The following PLAA variants were observed in gnomAD, a reference collection of about 807,000 sequenced individuals.
The protein encoded by PLAA is phospholipase A-2-activating protein.
Under a neutral mutation model 84.1 loss-of-function variants are expected in PLAA, and 48 were observed. That is an observed-to-expected ratio of 0.57 (90% CI 0.45 to 0.73). The LOEUF (loss-of-function observed/expected upper bound fraction) is 0.73, where lower values mean the gene tolerates loss of function less well. Among genes scored for constraint, PLAA ranks in the 30% least tolerant of loss-of-function variants. PLAA has a pLI of 0.00. For synonymous variants in PLAA, 392 were observed against 336.6 expected (o/e 1.16, Z -1.80); for missense variants, 903 against 954.7 (o/e 0.95, Z 0.71).
chr9:26,911,921 A>T (rs1824412066), intron 11 of PLAA, among the ~76,000 whole-genome samples: 1 of 152,194 alleles, frequency 6.6e-6, no homozygotes, highest in Admixed American at 6.5e-5. Flanking sequence ...GTACAAAATT[A>T]ATTGTTTATA....
At chr9:26,907,809 A>T (rs1824282680) in intron 13 of PLAA, 25 bp downstream of exon 13, 1 of 1,570,798 alleles carries the variant, frequency 6.4e-7, no homozygotes, top group South Asian at 1.2e-5. Context: ...CTTTCTGGTT[A>T]CATTTTTGAA....
At chr9:26,936,380 G>A (rs1825360089) in intron 1 of PLAA, among the ~76,000 whole-genome samples, 1 of 152,198 alleles carries the variant, frequency 6.6e-6, no homozygotes, top group African/African-American at 2.4e-5. Context: ...AAGGGCTTAA[G>A]AACTAGAGAA....
chr9:26,926,317 C>G (rs1048640100), intron 5 of PLAA, 76 bp downstream of exon 5: 3 of 919,842 alleles, frequency 3.3e-6, no homozygotes, highest in Non-Finnish European at 5.2e-6. Context: ...AATCAGCTCT[C>G]CTCCCTCCAT....
Position 26,905,795 on chromosome 9 carries a change from G to A in PLAA, c.2104C>T (p.Leu702=), listed in dbSNP as rs953198648. ...SGSNKNIHIA[L]ATLALNYSVC... ...GAATAGTTCAGGGCCAATGTAGCCA[G>A]AGCAATGTGAATGTTCTTATTGCTC... The change falls in exon 14 of 14, where the codon CTG becomes TTG. Residue 702 remains leucine, a synonymous_variant. Coordinates refer to ENST00000397292, the MANE Select transcript of PLAA (RefSeq NM_001031689.3). The A allele has an allele frequency of 3.1e-6, 5 of 1,614,064 alleles. No individual in the cohort carries two copies. Among genetic ancestry groups the A allele is most frequent in the Non-Finnish European group, 4.2e-6 (5 of 1,180,024 alleles).
At chr9:26,907,652 T>C (rs1824278517) in intron 13 of PLAA, 182 bp downstream of exon 13, 4 of 540,506 alleles carry the variant, frequency 7.4e-6, no homozygotes, top group Non-Finnish European at 6.4e-6. Flanking sequence ...TCAAAAGGCA[T>C]GTAACGGAAA....
At chr9:26,945,941 A>C (rs1275952648) in intron 1 of PLAA, among the ~76,000 whole-genome samples, 1 of 152,210 alleles carries the variant, frequency 6.6e-6, no homozygotes, top group Non-Finnish European at 1.5e-5. Flanking sequence ...GCCAGTTTTT[A>C]ATTATTTATT....
Position 26,905,745 on chromosome 9 carries a change from G to A in PLAA, c.2154C>T (p.Asn718=). The part of the protein sequence containing the change: ...NYSVCFHKDH[N]IEGKAQCLSL... Reference sequence around the variant, plus strand: ...ACAAACATTGGGCTTTCCCTTCAATGTTATGGTCTTTATGAAAACAAACAG... The same window carrying A: ...ACAAACATTGGGCTTTCCCTTCAATATTATGGTCTTTATGAAAACAAACAG... Residue 718 remains asparagine (N), a synonymous_variant, in exon 14 of 14, where the codon AAC becomes AAT. Transcript: ENST00000397292. The A allele has an allele frequency of 6.2e-7, 1 of 1,614,146 alleles. No individual in the cohort carries two copies.
intron 6 of PLAA, among the ~76,000 whole-genome samples, chr9:26,924,715 T>C (rs935096919): frequency 2.6e-5 from 4 of 152,216 alleles, no homozygotes; most frequent in African/African-American, 4.8e-5. Flanking sequence ...TTGAATTCCT[T>C]TGTTCTGTTT....
chr9:26,940,152 T>C (rs938278717), intron 1 of PLAA, among the ~76,000 whole-genome samples: 14 of 152,230 alleles, frequency 9.2e-5, no homozygotes, highest in African/African-American at 3.1e-4. Flanking sequence ...ATTCCATTTC[T>C]GGATATATTC....
At chr9:26,943,790 T>C (rs1825610145) in intron 1 of PLAA, among the ~76,000 whole-genome samples, 2 of 151,748 alleles carry the variant, frequency 1.3e-5, no homozygotes, top group Non-Finnish European at 2.9e-5. Flanking sequence ...TCTACAAAAA[T>C]AAATAAATAA....
rs1314082596 is a variant in PLAA at position 26,923,268 on chromosome 9, GT to G, written c.948del (p.Glu316AspfsTer14). 6.2e-7 allele frequency: 1 copy of G among 1,613,650 alleles called. No individual in the cohort carries two copies. Among genetic ancestry groups the G allele is most frequent in the Non-Finnish European group, 8.5e-7 (1 of 1,179,740 alleles). On this transcript the variant is annotated frameshift_variant, in exon 7 of 14. Transcript: ENST00000397292. LOFTEE classifies it high-confidence loss of function. ...TTAGAATCAATGGTTGCGTGAGACA[GT>G]TCTTTTTCAAAAGCCTTGATTTCTT... ...SAEEIKAFEKELSHATIDSKT... is the reference protein window; with the variant it reads ...SAEEIKAFEKXLSHATIDSKT...
intron 11 of PLAA, among the ~76,000 whole-genome samples, chr9:26,911,583 C>T (rs985063711): frequency 5.9e-5 from 9 of 152,134 alleles, no homozygotes; most frequent in African/African-American, 2.2e-4. Context: ...CCACCAGGCC[C>T]GTCTGAGTCC....
chr9:26,915,095 C>G (rs892875414), intron 10 of PLAA, among the ~76,000 whole-genome samples: 3 of 152,054 alleles, frequency 2.0e-5, no homozygotes, highest in Non-Finnish European at 2.9e-5. Context: ...GCCTGTAATC[C>G]TGGCTACTCG....
In PLAA at chr9:26,942,457, T is replaced by C. The variant is rs1214485856; in HGVS notation, c.149+4440A>G. Among the ~76,000 whole-genome samples the C allele has an allele frequency of 2.0e-5, 3 of 152,300 alleles. No individual in the cohort carries two copies. The East Asian group carries it at 5.8e-4, about 29-fold the overall frequency. ...TCGGTAACGAACAAAGACTTTGAAA[T>C]TGACTCAGTGATAAATACATAGTAA... On this transcript the variant is annotated intron_variant, in intron 1 of 13. Coordinates refer to ENST00000397292, the MANE Select transcript of PLAA (RefSeq NM_001031689.3).
intron 10 of PLAA, chr9:26,915,539 A>G (rs539524576): frequency 3.6e-6 from 1 of 278,780 alleles, no homozygotes; most frequent in African/African-American, 2.3e-5. Context: ...CATCAACAAC[A>G]ACTAATACAT....
rs772924678 is a variant in PLAA at position 26,905,514 on chromosome 9, C to A, written c.2385G>T (p.Leu795=). ...TATCCGTCCCTCTTCCCCACTGCTA[C>A]AGCAAATTTAGGATAAATCTACAGC... ...SECCRFILNL[L] Residue 795 remains leucine, a synonymous_variant, in exon 14 of 14, where the codon CTG becomes CTT. Transcript: ENST00000397292. 3.1e-6 allele frequency: 5 copies of A among 1,601,328 alleles called. No individual in the cohort carries two copies. In the Admixed American group the frequency reaches 8.5e-5, roughly 27 times the overall value.
intron 12 of PLAA, 61 bp from the exon 13 acceptor site, chr9:26,908,059 A>G: frequency 1.6e-6 from 2 of 1,278,320 alleles, no homozygotes; most frequent in Admixed American, 4.6e-5. Context: ...TAATATATAA[A>G]TGCCAAGACT....
At chr9:26,927,121 G>GTTTTTGTTTTT in intron 4 of PLAA, among the ~76,000 whole-genome samples, 1 of 111,150 alleles carries the variant, frequency 9.0e-6, no homozygotes, top group Admixed American at 9.1e-5. Context: ...TACTTTTTTT[G>GTTTTTGTTTTT]TTTTTCTTTT....
At chr9:26,945,642 A>G (rs1825672233) in intron 1 of PLAA, among the ~76,000 whole-genome samples, 1 of 152,188 alleles carries the variant, frequency 6.6e-6, no homozygotes, top group Non-Finnish European at 1.5e-5. Flanking sequence ...CAACACGGAA[A>G]TCAGATCATG....
Sources: allele counts gnomAD v4.1 joint callset (sites outside exome capture counted in the v4.1 genomes callset), GRCh38; gene constraint gnomAD v4.1.1; transcripts MANE v1.5; gene names NCBI Gene and HGNC (gene_info 2026-07-23, HGNC 2026-07-21).